The following EHD3 variants were observed in gnomAD, a reference collection of about 807,000 sequenced individuals.
The protein encoded by EHD3 is EH domain-containing protein 3.
Under a neutral mutation model 43.0 loss-of-function variants are expected in EHD3, and 17 were observed. That is an observed-to-expected ratio of 0.40 (90% confidence interval 0.27 to 0.59). The LOEUF (loss-of-function observed/expected upper bound fraction) is 0.59. EHD3 is among the 20% of genes least tolerant of loss of function. EHD3 has a pLI of 0.49. For synonymous variants in EHD3, 313 were observed against 289.5 expected (o/e 1.08, Z -0.82); for missense variants, 594 against 705.6 (o/e 0.84, Z 1.79).
Position 31,260,550 on chromosome 2 carries a change from G to A in EHD3, c.543G>A (p.Arg181=). The part of the protein sequence containing the change: ...FAAVLEWFAE[R]VDRIILLFDA... The stretch of plus-strand genomic sequence containing the variant: ...CTGTCCTTGAGTGGTTTGCCGAGCG[G>A]GTTGACCGCATCATTCTGCTCTTCG... Residue 181 remains arginine, a synonymous_variant, in exon 4 of 6, where the codon CGG becomes CGA. Transcript: ENST00000322054. This position sits in a 1 kb window ranked among gnomAD's most constrained non-coding sequence, Gnocchi z 4.6. 1 of 1,613,124 alleles carries A rather than the reference G, an allele frequency of 6.2e-7. No individual in the cohort carries two copies. The highest frequency in any genetic ancestry group is 8.5e-7 in the Non-Finnish European group (1 of 1,179,314).
intron 5 of EHD3, among the ~76,000 whole-genome samples, chr2:31,264,197 G>A (rs1010106231): frequency 1.3e-5 from 2 of 152,146 alleles, no homozygotes; most frequent in African/African-American, 2.4e-5. Flanking sequence ...ATTGCTTCTA[G>A]GCCACAGACC....
At position 31,266,299 on chromosome 2, in the gene EHD3, G is replaced by C. The variant is rs148671842; in HGVS notation, c.1203G>C (p.Glu401Asp). 2 of 1,614,104 alleles carry C rather than the reference G, an allele frequency of 1.2e-6. No individual in the cohort carries two copies. The highest frequency in any genetic ancestry group is 2.7e-5 in the African/African-American group (2 of 74,942). The change falls in exon 6 of 6, where the codon GAG becomes GAC. Residue 401 changes from glutamate (E) to aspartate (D), a missense_variant. Physicochemically the swap from Glu to Asp is conservative, Grantham distance 45. This residue lies in a region of EHD3 where 322 missense variants were observed against 348.0 expected (regional missense o/e 0.93). Transcript: ENST00000322054. This position sits in a 1 kb window ranked among gnomAD's most constrained non-coding sequence, Gnocchi z 5.1. The part of the protein sequence containing the change: ...AQLMVLVRQE[E>D]SQRPIQMVKG... ...TCATGGTGCTAGTGCGCCAGGAGGA[G>C]TCACAGCGGCCCATCCAGATGGTGA...
intron 3 of EHD3, among the ~76,000 whole-genome samples, chr2:31,259,863 G>A (rs1284156621): frequency 6.6e-6 from 1 of 152,184 alleles, no homozygotes; most frequent in Admixed American, 6.5e-5. Context: ...ACGGATAGGG[G>A]AGCTGGTATG....
chr2:31,261,025 G>A (rs1683844930), intron 4 of EHD3, 103 bp downstream of exon 4: 14 of 1,289,460 alleles, frequency 1.1e-5, no homozygotes, highest in Middle Eastern at 2.1e-4. Flanking sequence ...AGTGCATCAT[G>A]TGTGTGACAC....
chr2:31,243,461 T>TTTTTTTTTC (rs1553402473), intron 1 of EHD3, among the ~76,000 whole-genome samples: 2 of 98,748 alleles, frequency 2.0e-5, no homozygotes, highest in African/African-American at 8.6e-5. Context: ...TCTTTCTTTC[T>TTTTTTTTTC]TTTTTTTTTT....
At chr2:31,239,988 G>A (rs765040452) in intron 1 of EHD3, among the ~76,000 whole-genome samples, 55 of 152,142 alleles carry the variant, frequency 3.6e-4, no homozygotes, top group Non-Finnish European at 6.6e-4. Flanking sequence ...CTGGCCTGTC[G>A]CAAGGAGGCT....
intron 2 of EHD3, among the ~76,000 whole-genome samples, chr2:31,245,543 ATATATATATATTTT>A (rs1558647880): frequency 1.8e-5 from 1 of 55,474 alleles, no homozygotes; most frequent in South Asian, 1.3e-3. Flanking sequence ...ATATATATAT[ATATATATATATTTT>A]TTTTTTTTTT....
intron 3 of EHD3, among the ~76,000 whole-genome samples, chr2:31,256,959 C>T (rs1683762090): frequency 6.6e-6 from 1 of 152,214 alleles, no homozygotes; most frequent in Non-Finnish European, 1.5e-5. Flanking sequence ...GCCCTGGCTG[C>T]CTTAGCCTGT....
intron 5 of EHD3, among the ~76,000 whole-genome samples, chr2:31,265,083 G>GAGAT (rs1317151691): frequency 5.9e-5 from 9 of 152,270 alleles, no homozygotes; most frequent in East Asian, 1.9e-4. Flanking sequence ...AAGGTCTTGA[G>GAGAT]AGATAGTAAT....
At chr2:31,258,723 T>C (rs893504566) in intron 3 of EHD3, among the ~76,000 whole-genome samples, 1 of 152,228 alleles carries the variant, frequency 6.6e-6, no homozygotes, top group Non-Finnish European at 1.5e-5. Flanking sequence ...ATAAAGTACT[T>C]AGGTCAGTGC....
rs1683992591 is a variant in EHD3, at chr2:31,268,281, T to TTATATCCA, written c.*1581_*1588dup. On this transcript the variant is annotated 3_prime_UTR_variant, in exon 6 of 6. Coordinates refer to ENST00000322054, the MANE Select transcript of EHD3 (RefSeq NM_014600.3). ...GAAAACAAAATGAGTATAACTTATT[T>TTATATCCA]TATATCCATATTCAGACTATATAGA... 6.5e-6 allele frequency: 1 copy of TTATATCCA among 152,696 alleles called. No homozygotes were observed. The highest frequency in any genetic ancestry group is 2.4e-5 in the African/African-American group (1 of 41,466). 9.5% of individuals were successfully genotyped at this position (152,696 alleles called of 1,614,324 possible).
intron 3 of EHD3, among the ~76,000 whole-genome samples, chr2:31,253,588 T>A (rs2148720436): frequency 6.6e-6 from 1 of 152,306 alleles, no homozygotes; most frequent in African/African-American, 2.4e-5. Context: ...CATATTAGAC[T>A]GCCTGTTCTG....
chr2:31,239,808 G>T (rs1393623133), intron 1 of EHD3, among the ~76,000 whole-genome samples: 1 of 150,742 alleles, frequency 6.6e-6, no homozygotes, highest in Admixed American at 6.6e-5. Flanking sequence ...CAGGCACCGC[G>T]CATGGGGCTT....
chr2:31,235,488 T>A (rs1683307052), intron 1 of EHD3, among the ~76,000 whole-genome samples: 1 of 152,186 alleles, frequency 6.6e-6, no homozygotes, highest in South Asian at 2.1e-4. Flanking sequence ...CTTAATGGCT[T>A]AATAATAATA....
chr2:31,255,167 C>T (rs1449411560), intron 3 of EHD3, among the ~76,000 whole-genome samples: 1 of 152,232 alleles, frequency 6.6e-6, no homozygotes, highest in Non-Finnish European at 1.5e-5. Context: ...CTCTTAGAGC[C>T]AGCAGACTTG....
At chr2:31,243,449 T>TTCC in intron 1 of EHD3, among the ~76,000 whole-genome samples, 1 of 63,046 alleles carries the variant, frequency 1.6e-5, no homozygotes, top group African/African-American at 6.1e-5. Flanking sequence ...TCTTTCTTTC[T>TTCC]TTCTTTCTTT....
chr2:31,243,047 C>T (rs1028762391), intron 1 of EHD3, among the ~76,000 whole-genome samples: 1 of 152,146 alleles, frequency 6.6e-6, no homozygotes, highest in Non-Finnish European at 1.5e-5. Flanking sequence ...GAGGCCAAGG[C>T]AGGCGGATCA....
At chr2:31,251,993 G>A (rs1029599377) in intron 3 of EHD3, among the ~76,000 whole-genome samples, 5 of 152,194 alleles carry the variant, frequency 3.3e-5, no homozygotes, top group Admixed American at 1.3e-4. Context: ...CCCCTTCCCA[G>A]TGTGAACTCC....
chr2:31,265,300 A>G (rs1048302749), intron 5 of EHD3, among the ~76,000 whole-genome samples: 4 of 152,210 alleles, frequency 2.6e-5, no homozygotes, highest in Non-Finnish European at 5.9e-5. Context: ...TATGTACTCT[A>G]TGGAAATGTG....
Sources: gnomAD v4.1 joint callset for allele counts (sites outside exome capture counted in the v4.1 genomes callset) on GRCh38, gnomAD v4.1.1 for gene constraint, gnomAD v4.1.1 regional missense constraint, Gnocchi (gnomAD v3.1) non-coding constraint, MANE v1.5 for transcripts, NCBI Gene and HGNC (gene_info 2026-07-23, HGNC 2026-07-21) for gene names.